The following CREB1 variants were observed in gnomAD, a reference collection of about 807,000 sequenced individuals.
CREB1 encodes the protein cAMP responsive element binding protein 1.
Under a neutral mutation model 42.0 loss-of-function variants are expected in CREB1, and 2 were observed. That is an observed-to-expected ratio of 0.05 (90% CI 0.02 to 0.15). The LOEUF is 0.15. CREB1 is among the 10% of genes least tolerant of loss of function. The pLI is 1.00. For synonymous variants in CREB1, 123 were observed against 139.9 expected (o/e 0.88, Z 0.85); for missense variants, 199 against 388.9 (o/e 0.51, Z 4.11).
intron 1 of CREB1, among the ~76,000 whole-genome samples, chr2:207,539,676 C>CCAGAA (rs1201692040): frequency 6.6e-6 from 1 of 152,040 alleles, no homozygotes. Flanking sequence ...TTTATATGTG[C>CCAGAA]CAGAGTACAT....
chr2:207,597,079 C>T lies in CREB1; in HGVS notation c.*21C>T, dbSNP rs2086302994. 1 of 1,581,040 alleles carries T rather than the reference C, an allele frequency of 6.3e-7. No homozygotes were observed. Among genetic ancestry groups the T allele is most frequent in the Non-Finnish European group, 8.6e-7 (1 of 1,169,044 alleles). ...ATTAATTTGGGATTTAAATTTTCAC[C>T]TGTTAAGGTGGAAAATGGACTGGCT... On this transcript the variant is annotated 3_prime_UTR_variant, in exon 8 of 8. Transcript: ENST00000353267.
At chr2:207,544,185 G>A (rs909012043) in intron 1 of CREB1, among the ~76,000 whole-genome samples, 1 of 152,226 alleles carries the variant, frequency 6.6e-6, no homozygotes. Context: ...GGGATTACAG[G>A]CGTGAGCCAC....
chr2:207,579,136 AG>A (rs2082727826), intron 7 of CREB1, among the ~76,000 whole-genome samples: 1 of 152,170 alleles, frequency 6.6e-6, no homozygotes, highest in Admixed American at 6.5e-5. Flanking sequence ...TGAGTATTTA[AG>A]TTTTACTAAA....
chr2:207,599,303 T>G lies in CREB1; in HGVS notation c.*2245T>G, dbSNP rs1010145530. ...CAGAAATCAAGCAAAGTCACAAATATGTTCACAAGTTGGAATTATTTATTG... is the reference window on the plus strand; with the variant it reads ...CAGAAATCAAGCAAAGTCACAAATAGGTTCACAAGTTGGAATTATTTATTG... On this transcript the variant is annotated 3_prime_UTR_variant, in exon 8 of 8. Coordinates refer to ENST00000353267, the MANE Select transcript of CREB1 (RefSeq NM_004379.5). 1 of 207,632 alleles carries G rather than the reference T, an allele frequency of 4.8e-6. No homozygotes were observed. The highest frequency in any genetic ancestry group is 9.8e-6 in the Non-Finnish European group (1 of 101,920). The allele number at this position is 207,632 out of a possible 1,614,324, so 12.9% of individuals were successfully genotyped here.
At chr2:207,554,377 C>T (rs142238491) in intron 1 of CREB1, among the ~76,000 whole-genome samples, 663 of 152,228 alleles carry the variant, frequency 4.4e-3, no homozygotes, top group Non-Finnish European at 7.0e-3. Flanking sequence ...TGACCAATTT[C>T]AGAGTTATAA....
Position 207,563,965 on chromosome 2 carries a change from A to T in CREB1, c.262-3498A>T, listed in dbSNP as rs1463045777. Among the ~76,000 whole-genome samples, 30 of 152,092 alleles carry T rather than the reference A, an allele frequency of 2.0e-4. 1 individual carries two copies. Among genetic ancestry groups the T allele is most frequent in the Admixed American group, 2.0e-3 (30 of 15,262 alleles). ...TCTCAAAAAATAAAAGTGTTAAATG[A>T]TTTTTAATGAAGCATATTATGTCAT... On this transcript the variant is annotated intron_variant, in intron 3 of 7. Transcript: ENST00000353267.
intron 1 of CREB1, among the ~76,000 whole-genome samples, chr2:207,546,552 C>A (rs1275367908): frequency 3.3e-5 from 5 of 151,926 alleles, no homozygotes; most frequent in Admixed American, 6.6e-5. Context: ...CGTTGTGAAA[C>A]CCCATCTCTA....
chr2:207,605,526 TAAAA>T lies in CREB1; in HGVS notation c.*8473_*8476del, dbSNP rs374747042. ...TTACTTTATGTAATATGTACACTTC[TAAAA>T]AAAAGAAACATGGAAAAGGGCAAAC... On this transcript the variant is annotated 3_prime_UTR_variant, in exon 8 of 8. Transcript: ENST00000353267. Among the ~76,000 whole-genome samples the T allele has an allele frequency of 2.0e-5, 3 of 152,026 alleles. No individual in the cohort carries two copies. The highest frequency in any genetic ancestry group is 6.5e-5 in the Admixed American group (1 of 15,272).
At position 207,597,715 on chromosome 2, in the gene CREB1, A is replaced by G. The variant is rs2086399746; in HGVS notation, c.*657A>G. On this transcript the variant is annotated 3_prime_UTR_variant, in exon 8 of 8. Coordinates refer to ENST00000353267, the MANE Select transcript of CREB1 (RefSeq NM_004379.5). ...TTCTGTACTAATACAGCTCTTCCAT[A>G]GGGCAGTTGTTGCTTCTTAATTCAG... The G allele has an allele frequency of 1.5e-5, 3 of 206,256 alleles. No individual in the cohort carries two copies. The highest frequency in any genetic ancestry group is 3.0e-5 in the Non-Finnish European group (3 of 100,974). 12.8% of individuals were successfully genotyped at this position (206,256 alleles called of 1,614,324 possible).
chr2:207,543,441 C>T (rs1005158171), intron 1 of CREB1, among the ~76,000 whole-genome samples: 4 of 152,068 alleles, frequency 2.6e-5, no homozygotes, highest in Non-Finnish European at 5.9e-5. Flanking sequence ...AGTGAGTAGT[C>T]ATTCCTTCAT....
chr2:207,530,386 G>C (rs1256967606), intron 1 of CREB1, among the ~76,000 whole-genome samples: 1 of 147,808 alleles, frequency 6.8e-6, no homozygotes, highest in Non-Finnish European at 1.5e-5. Flanking sequence ...CGCTCATGGC[G>C]GGGGGCGGCG....
At chr2:207,586,194 A>G (rs2083807539) in intron 7 of CREB1, among the ~76,000 whole-genome samples, 1 of 152,238 alleles carries the variant, frequency 6.6e-6, no homozygotes, top group South Asian at 2.1e-4. Context: ...TTCAAAATAT[A>G]CTACAAAGCT....
At chr2:207,590,191 A>C (rs933265572) in intron 7 of CREB1, among the ~76,000 whole-genome samples, 1 of 150,738 alleles carries the variant, frequency 6.6e-6, no homozygotes, top group African/African-American at 2.4e-5. Flanking sequence ...CATTTCTTCA[A>C]AGTTATCAAA....
rs779517246 is a variant in CREB1, at chr2:207,597,620, G to T, written c.*562G>T. The T allele has an allele frequency of 4.8e-5, 10 of 208,966 alleles. No homozygotes were observed. Among genetic ancestry groups the T allele is most frequent in the Admixed American group, 3.6e-4 (6 of 16,878 alleles). The allele number at this position is 208,966 out of a possible 1,614,324, so 12.9% of individuals were successfully genotyped here. A position where few individuals can be genotyped will look rare whatever the true frequency, so the allele number is the denominator to read the frequency against. On this transcript the variant is annotated 3_prime_UTR_variant, in exon 8 of 8. Transcript: ENST00000353267. ...GCATGGTATTGAAGGAATTAGAAAT[G>T]AATTTGGAGTGCTTTTTATGTATGT...
intron 2 of CREB1, among the ~76,000 whole-genome samples, chr2:207,556,722 A>T (rs1036613120): frequency 6.6e-6 from 1 of 152,232 alleles, no homozygotes; most frequent in Admixed American, 6.5e-5. Context: ...AAATACATCT[A>T]ATGTACTCAT....
intron 7 of CREB1, among the ~76,000 whole-genome samples, chr2:207,579,129 G>GT (rs1411681846): frequency 2.0e-5 from 3 of 151,930 alleles, no homozygotes; most frequent in African/African-American, 7.3e-5. Context: ...GTGATTTTGA[G>GT]TATTTAAGTT....
chr2:207,596,314 T>A (rs1351019735), intron 7 of CREB1, among the ~76,000 whole-genome samples: 3 of 152,236 alleles, frequency 2.0e-5, no homozygotes, highest in Non-Finnish European at 4.4e-5. Flanking sequence ...TTTAATGTTT[T>A]CTTAGTTATT....
chr2:207,582,842 G>GAGATGGC (rs1454581308), intron 7 of CREB1: 2 of 340,614 alleles, frequency 5.9e-6, no homozygotes, highest in Admixed American at 6.8e-5. Flanking sequence ...GCAGTGAGCT[G>GAGATGGC]AGATGGCACT....
chr2:207,580,396 G>A (rs984369100), intron 7 of CREB1, among the ~76,000 whole-genome samples: 3 of 152,122 alleles, frequency 2.0e-5, no homozygotes, highest in Non-Finnish European at 4.4e-5. Flanking sequence ...ATATTTGAGA[G>A]AAATAAACCT....
Sources: allele counts gnomAD v4.1 joint callset (sites outside exome capture counted in the v4.1 genomes callset), GRCh38; gene constraint gnomAD v4.1.1; transcripts MANE v1.5; gene names NCBI Gene and HGNC (gene_info 2026-07-23, HGNC 2026-07-21).